The following LOC400499 variants were observed in gnomAD, a reference collection of about 807,000 sequenced individuals.
chr16:11,500,558 G>A, the LOC400499 span, among the ~76,000 whole-genome samples: 1 of 126,804 alleles, frequency 7.9e-6, no homozygotes, highest in Non-Finnish European at 1.8e-5. Context: ...AGCTCAGGAA[G>A]GTTAAATCAC....
At chr16:11,469,815 C>T in the LOC400499 span, 15 of 396,680 alleles carry the variant, frequency 3.8e-5, no homozygotes, top group Admixed American at 2.2e-4. Context: ...CAGCCCAGGA[C>T]CATGTCCACA....
the LOC400499 span, among the ~76,000 whole-genome samples, chr16:11,505,919 G>C: frequency 6.6e-6 from 1 of 152,044 alleles, no homozygotes; most frequent in Non-Finnish European, 1.5e-5. Flanking sequence ...TTAAGTGTAG[G>C]ATTATCTTAA....
At chr16:11,402,878 C>T in the LOC400499 span, among the ~76,000 whole-genome samples, 4 of 152,236 alleles carry the variant, frequency 2.6e-5, no homozygotes, top group East Asian at 7.7e-4. Context: ...ACCTGCATCC[C>T]TCTCGGGGGC....
the LOC400499 span, among the ~76,000 whole-genome samples, chr16:11,466,653 T>C: frequency 3.3e-5 from 5 of 152,144 alleles, no homozygotes; most frequent in South Asian, 1.0e-3. Flanking sequence ...CCTCCCAAAG[T>C]GCTGGGATTA....
At chr16:11,431,163 C>G in the LOC400499 span, 1 of 398,954 alleles carries the variant, frequency 2.5e-6, no homozygotes, top group Non-Finnish European at 4.4e-6. Context: ...CCCTCCATTC[C>G]TCAGATGCCT....
chr16:11,422,561 C>T, the LOC400499 span, among the ~76,000 whole-genome samples: 1 of 43,810 alleles, frequency 2.3e-5, no homozygotes, highest in Non-Finnish European at 5.9e-5. Context: ...AGGCCCCTCA[C>T]CTGTTTTATG....
the LOC400499 span, among the ~76,000 whole-genome samples, chr16:11,440,233 C>T: frequency 6.6e-6 from 1 of 152,172 alleles, no homozygotes; most frequent in East Asian, 1.9e-4. Context: ...AATATACCTA[C>T]AATGGCTGCT....
the LOC400499 span, among the ~76,000 whole-genome samples, chr16:11,416,072 C>G: frequency 6.6e-6 from 1 of 151,674 alleles, no homozygotes; most frequent in African/African-American, 2.4e-5. Context: ...TCTTGTGTCT[C>G]AGGCTCCTGA....
At chr16:11,389,751 G>T in the LOC400499 span, among the ~76,000 whole-genome samples, 1 of 151,262 alleles carries the variant, frequency 6.6e-6, no homozygotes, top group East Asian at 1.9e-4. Flanking sequence ...GAGCCGAATG[G>T]CCTGCTTAAG....
the LOC400499 span, among the ~76,000 whole-genome samples, chr16:11,402,636 G>A: frequency 1.3e-5 from 2 of 152,162 alleles, no homozygotes; most frequent in African/African-American, 4.8e-5. Flanking sequence ...GGATGTCCTA[G>A]CGCAGCTGAC....
chr16:11,421,674 G>C, the LOC400499 span, among the ~76,000 whole-genome samples: 8 of 152,196 alleles, frequency 5.3e-5, no homozygotes, highest in Admixed American at 5.2e-4. Flanking sequence ...AAAGTATTGG[G>C]ATATACGACA....
At chr16:11,383,557 G>A in the LOC400499 span, 4 of 1,197,614 alleles carry the variant, frequency 3.3e-6, no homozygotes, top group Non-Finnish European at 4.2e-6. Flanking sequence ...TGTCCTCCCT[G>A]GTGAGAGAAA....
the LOC400499 span, chr16:11,478,765 A>C: frequency 7.5e-6 from 3 of 398,344 alleles, no homozygotes; most frequent in Middle Eastern, 1.2e-3. Flanking sequence ...TCCCCACCCA[A>C]ATCTCATCTC....
At chr16:11,414,648 C>T in the LOC400499 span, 6 of 397,920 alleles carry the variant, frequency 1.5e-5, no homozygotes, top group African/African-American at 6.2e-5. Flanking sequence ...GCTGCCACAG[C>T]GTGGGTGCTG....
At chr16:11,494,365 G>C in the LOC400499 span, among the ~76,000 whole-genome samples, 1 of 148,456 alleles carries the variant, frequency 6.7e-6, no homozygotes, top group Non-Finnish European at 1.5e-5. Context: ...CAGTGGTGTG[G>C]GGGGGGCAGT....
the LOC400499 span, among the ~76,000 whole-genome samples, chr16:11,495,028 G>A: frequency 6.6e-6 from 1 of 152,108 alleles, no homozygotes; most frequent in Non-Finnish European, 1.5e-5. Flanking sequence ...GGCCAACATG[G>A]CAAAACCCCG....
At chr16:11,411,364 G>A in the LOC400499 span, 1 of 399,214 alleles carries the variant, frequency 2.5e-6, no homozygotes, top group Non-Finnish European at 4.4e-6. Context: ...AAGCTGGCAA[G>A]ACAGCACCTT....
At chr16:11,425,882 G>A in the LOC400499 span, among the ~76,000 whole-genome samples, 1 of 152,012 alleles carries the variant, frequency 6.6e-6, no homozygotes, top group African/African-American at 2.4e-5. Context: ...CAAACCTGAC[G>A]AAAGCTTTGC....
At chr16:11,374,523 T>G in the LOC400499 span, among the ~76,000 whole-genome samples, 3 of 152,228 alleles carry the variant, frequency 2.0e-5, no homozygotes, top group Non-Finnish European at 4.4e-5. Context: ...ACCACTGTAC[T>G]TTCTGTCTCT....
Sources: allele counts gnomAD v4.1 joint callset (sites outside exome capture counted in the v4.1 genomes callset), GRCh38; gene constraint gnomAD v4.1.1; transcripts MANE v1.5.